Variants in FAM13A observed in about 807,000 individuals in gnomAD.
The protein encoded by FAM13A is family with sequence similarity 13 member A.
A neutral mutation model predicts 129.6 loss-of-function variants in FAM13A; 76 were observed. That is an observed-to-expected ratio of 0.59 (90% CI 0.49 to 0.71). FAM13A has a LOEUF of 0.71. Ranked by LOEUF, FAM13A falls within the 30% of genes least tolerant of loss-of-function variation. The pLI is 0.00. For synonymous variants in FAM13A, 443 were observed against 449.9 expected (o/e 0.98, Z 0.20); for missense variants, 1,108 against 1,249.3 (o/e 0.89, Z 1.70).
intron 4 of FAM13A, among the ~76,000 whole-genome samples, chr4:88,971,764 C>T (rs958647780): frequency 2.0e-5 from 3 of 152,190 alleles, no homozygotes; most frequent in Admixed American, 6.5e-5. Context: ...CTCCCACCAG[C>T]CTTCTGAGTT....
intron 4 of FAM13A, among the ~76,000 whole-genome samples, chr4:88,948,366 G>A (rs1756304337): frequency 6.6e-6 from 1 of 152,140 alleles, no homozygotes; most frequent in Admixed American, 6.5e-5. Context: ...AAAAAGTTAC[G>A]TGAAGGAAGC....
At chr4:88,888,477 G>A (rs1229734007) in intron 6 of FAM13A, among the ~76,000 whole-genome samples, 3 of 152,074 alleles carry the variant, frequency 2.0e-5, no homozygotes, top group Non-Finnish European at 4.4e-5. Context: ...AAAGCAAACA[G>A]ATCAAAAGTC....
intron 7 of FAM13A, among the ~76,000 whole-genome samples, chr4:88,839,511 G>C (rs1284112748): frequency 1.3e-4 from 20 of 152,298 alleles, no homozygotes; most frequent in Non-Finnish European, 4.4e-5. Context: ...GTGTAAATTA[G>C]GAATTCTATT....
At chr4:88,975,671 T>C (rs1760800529) in intron 4 of FAM13A, among the ~76,000 whole-genome samples, 1 of 152,204 alleles carries the variant, frequency 6.6e-6, no homozygotes, top group South Asian at 2.1e-4. Flanking sequence ...AAATCCGAAT[T>C]TGCTTTTTCT....
At chr4:89,024,197 T>C (rs1463874894) in intron 2 of FAM13A, among the ~76,000 whole-genome samples, 1 of 152,168 alleles carries the variant, frequency 6.6e-6, no homozygotes. Flanking sequence ...AAGTCACAAA[T>C]TGCCTAACAG....
chr4:88,993,776 A>G (rs1417005796), intron 3 of FAM13A, among the ~76,000 whole-genome samples: 2 of 152,060 alleles, frequency 1.3e-5, no homozygotes, highest in African/African-American at 4.8e-5. Flanking sequence ...CGAGGTGGGC[A>G]GATCACCAGG....
intron 3 of FAM13A, among the ~76,000 whole-genome samples, chr4:89,010,659 C>T (rs1217777745): frequency 1.3e-5 from 2 of 152,168 alleles, no homozygotes; most frequent in Non-Finnish European, 2.9e-5. Context: ...GCTACTACAA[C>T]TCACCTCACA....
chr4:88,994,898 T>C (rs1051696304), intron 3 of FAM13A, among the ~76,000 whole-genome samples: 1 of 152,194 alleles, frequency 6.6e-6, no homozygotes, highest in Non-Finnish European at 1.5e-5. Flanking sequence ...GATTTATTCA[T>C]ATCTAAATAC....
At chr4:88,998,351 C>G (rs1391399013) in intron 3 of FAM13A, among the ~76,000 whole-genome samples, 1 of 152,146 alleles carries the variant, frequency 6.6e-6, no homozygotes, top group South Asian at 2.1e-4. Flanking sequence ...ACCCAGGTAC[C>G]AAATAGCTGA....
intron 1 of FAM13A, among the ~76,000 whole-genome samples, chr4:89,038,171 T>C (rs896562112): frequency 3.3e-5 from 5 of 152,256 alleles, no homozygotes; most frequent in African/African-American, 9.6e-5. Flanking sequence ...TATGCAGCTC[T>C]GTTTAACTTA....
chr4:88,971,638 C>G (rs758494484), intron 4 of FAM13A, among the ~76,000 whole-genome samples: 1 of 152,082 alleles, frequency 6.6e-6, no homozygotes, highest in Non-Finnish European at 1.5e-5. Context: ...TCCCAAGTAG[C>G]TGGGACTATA....
intron 21 of FAM13A, among the ~76,000 whole-genome samples, chr4:88,734,052 T>G (rs1738449812): frequency 6.6e-6 from 1 of 152,240 alleles, no homozygotes; most frequent in African/African-American, 2.4e-5. Context: ...ATCATAAGTG[T>G]TGTAGATACT....
At chr4:88,994,148 T>G (rs1763257070) in intron 3 of FAM13A, among the ~76,000 whole-genome samples, 1 of 152,194 alleles carries the variant, frequency 6.6e-6, no homozygotes, top group African/African-American at 2.4e-5. Context: ...ATTCCTGGAT[T>G]CACCCACTGG....
At chr4:88,877,217 T>G (rs1433820062) in intron 6 of FAM13A, among the ~76,000 whole-genome samples, 1 of 152,186 alleles carries the variant, frequency 6.6e-6, no homozygotes, top group Non-Finnish European at 1.5e-5. Flanking sequence ...CAGAGTAAAT[T>G]TTTGTAATTC....
At chr4:88,919,299 T>C (rs955100208) in intron 5 of FAM13A, among the ~76,000 whole-genome samples, 1 of 152,348 alleles carries the variant, frequency 6.6e-6, no homozygotes, top group East Asian at 1.9e-4. Context: ...TAAAAAGGAA[T>C]GCACAGAATT....
intron 6 of FAM13A, among the ~76,000 whole-genome samples, chr4:88,904,286 T>C (rs915574361): frequency 3.9e-5 from 6 of 152,132 alleles, no homozygotes; most frequent in African/African-American, 1.2e-4. Context: ...CAAAAGAATA[T>C]AAATCATTCT....
chr4:88,795,446 T>C (rs990141814), intron 8 of FAM13A, among the ~76,000 whole-genome samples: 1 of 151,850 alleles, frequency 6.6e-6, no homozygotes, highest in Non-Finnish European at 1.5e-5. Flanking sequence ...ATGTTTTCAA[T>C]TTTATATATT....
chr4:88,920,239 C>T (rs1261757044), intron 5 of FAM13A, among the ~76,000 whole-genome samples: 1 of 152,218 alleles, frequency 6.6e-6, no homozygotes, highest in East Asian at 1.9e-4. Context: ...AACGGGCAGA[C>T]TGCCTCCTCA....
At chr4:88,890,582 T>C (rs1745155306) in intron 6 of FAM13A, among the ~76,000 whole-genome samples, 2 of 152,110 alleles carry the variant, frequency 1.3e-5, no homozygotes, top group South Asian at 4.1e-4. Flanking sequence ...AATATATGTC[T>C]ATGGAGGAAA....
Sources: allele counts gnomAD v4.1 joint callset (sites outside exome capture counted in the v4.1 genomes callset), GRCh38; gene constraint gnomAD v4.1.1; transcripts MANE v1.5; gene names NCBI Gene and HGNC (gene_info 2026-07-23, HGNC 2026-07-21).